The following GALNT13 variants were observed in gnomAD, a reference collection of about 807,000 sequenced individuals.
GALNT13 encodes the protein UDP-GalNAc:polypeptide N-acetylgalactosaminyltransferase 13.
GALNT13 carries 28 observed loss-of-function variants against 64.2 expected under a neutral mutation model. That is an observed-to-expected ratio of 0.44 (90% CI 0.32 to 0.60). GALNT13 has a LOEUF of 0.60. Among genes scored for constraint, GALNT13 ranks in the 20% least tolerant of loss-of-function variants. The pLI, the probability that GALNT13 is intolerant of heterozygous loss-of-function variation, is 0.05. For synonymous variants in GALNT13, 214 were observed against 224.6 expected (o/e 0.95, Z 0.42); for missense variants, 577 against 669.8 (o/e 0.86, Z 1.53).
At chr2:153,937,103 G>A (rs1459448082) in intron 2 of GALNT13, among the ~76,000 whole-genome samples, 1 of 152,130 alleles carries the variant, frequency 6.6e-6, no homozygotes. Flanking sequence ...CTAAGACATA[G>A]CATATGATCA....
intron 4 of GALNT13, among the ~76,000 whole-genome samples, chr2:154,231,672 T>C (rs1688922939): frequency 1.3e-5 from 2 of 151,320 alleles, no homozygotes; most frequent in South Asian, 4.2e-4. Context: ...CAAGGTGCAG[T>C]GGAAGATAAA....
the GALNT13 span, among the ~76,000 whole-genome samples, chr2:153,545,107 GA>G: frequency 5.4e-5 from 8 of 148,004 alleles, no homozygotes; most frequent in African/African-American, 9.9e-5. Flanking sequence ...CAAAGACTCA[GA>G]AAAAAAAAAG....
the GALNT13 span, among the ~76,000 whole-genome samples, chr2:153,071,619 G>A: frequency 6.6e-6 from 1 of 152,298 alleles, no homozygotes; most frequent in Admixed American, 6.5e-5. Context: ...TTTTAACTAA[G>A]AAGTTTTACT....
At chr2:154,272,983 C>T (rs187887736) in intron 8 of GALNT13, among the ~76,000 whole-genome samples, 1 of 151,938 alleles carries the variant, frequency 6.6e-6, no homozygotes. Flanking sequence ...ATGAAATGTG[C>T]AAATAAGTTT....
chr2:154,036,155 T>A (rs1191459307), intron 3 of GALNT13, among the ~76,000 whole-genome samples: 1 of 152,112 alleles, frequency 6.6e-6, no homozygotes, highest in Non-Finnish European at 1.5e-5. Context: ...CAGCGATTAG[T>A]GTCCGAGTTA....
intron 4 of GALNT13, among the ~76,000 whole-genome samples, chr2:154,181,244 C>T (rs1685941827): frequency 6.6e-6 from 1 of 152,102 alleles, no homozygotes; most frequent in Non-Finnish European, 1.5e-5. Context: ...TTATCAGTAA[C>T]ACTTCGGGGA....
chr2:153,840,204 G>C, the GALNT13 span, among the ~76,000 whole-genome samples: 1 of 152,084 alleles, frequency 6.6e-6, no homozygotes, highest in Admixed American at 6.6e-5. Flanking sequence ...TTTGGCAATA[G>C]CATGTAATTG....
chr2:154,345,776 A>G (rs1696035965), intron 9 of GALNT13, among the ~76,000 whole-genome samples: 1 of 152,070 alleles, frequency 6.6e-6, no homozygotes, highest in South Asian at 2.1e-4. Context: ...TCAGGTACAA[A>G]TGCTCATTTC....
the GALNT13 span, among the ~76,000 whole-genome samples, chr2:153,076,033 C>T: frequency 2.6e-5 from 4 of 152,000 alleles, no homozygotes; most frequent in African/African-American, 9.7e-5. Flanking sequence ...ATGGGCATTT[C>T]TACTTTTTTG....
In GALNT13 at chr2:154,040,701, A is replaced by AT. The variant is rs542901204; in HGVS notation, c.142+96070dup. On this transcript the variant is annotated intron_variant, in intron 3 of 12. Coordinates refer to ENST00000392825, the MANE Select transcript of GALNT13 (RefSeq NM_052917.4). ...ATGATATTGCTTATTTGGGAAGCAGATTTTTTTTGCCTTTTCTATATCAGA... is the reference window on the plus strand; with the variant it reads ...ATGATATTGCTTATTTGGGAAGCAGATTTTTTTTTGCCTTTTCTATATCAGA... Among the ~76,000 whole-genome samples the AT allele has an allele frequency of 2.9e-5, 4 of 139,934 alleles. No homozygotes were observed. In the East Asian group the frequency reaches 6.0e-4, roughly 21 times the overall value. 91.8% of individuals were successfully genotyped at this position (139,934 alleles called of 152,430 possible).
At chr2:153,956,894 T>C (rs1363602180) in intron 3 of GALNT13, among the ~76,000 whole-genome samples, 1 of 152,168 alleles carries the variant, frequency 6.6e-6, no homozygotes, top group Non-Finnish European at 1.5e-5. Flanking sequence ...TCTTTCACTT[T>C]TAACAGTTTT....
Position 154,407,239 on chromosome 2 carries a change from T to C in GALNT13, c.1297-1745T>C, listed in dbSNP as rs75270891. On this transcript the variant is annotated intron_variant, in intron 10 of 12. Coordinates refer to ENST00000392825, the MANE Select transcript of GALNT13 (RefSeq NM_052917.4). ...TGCATACCTTACATCTAAAAATGAA[T>C]TCGTCATTTTGTGAGATATGTATTT... Among the ~76,000 whole-genome samples the C allele has an allele frequency of 9.9e-3, 1,503 of 152,266 alleles. 10 individuals are homozygous for C. The highest frequency in any genetic ancestry group is 0.013 in the Non-Finnish European group (897 of 68,018).
intron 3 of GALNT13, among the ~76,000 whole-genome samples, chr2:154,045,567 G>A (rs1699235268): frequency 6.6e-6 from 1 of 152,138 alleles, no homozygotes; most frequent in South Asian, 2.1e-4. Context: ...AACCTGCTGA[G>A]GAGGCTGACA....
At chr2:153,362,776 C>T in the GALNT13 span, among the ~76,000 whole-genome samples, 7 of 152,098 alleles carry the variant, frequency 4.6e-5, no homozygotes, top group African/African-American at 1.7e-4. Flanking sequence ...GACTCCCACA[C>T]AATAATAGTG....
rs151287955 is a variant in GALNT13, at chr2:154,360,284, C to A, written c.1157-35707C>A. Among the ~76,000 whole-genome samples the A allele has an allele frequency of 5.2e-3, 792 of 152,198 alleles. 6 individuals carry two copies. The highest frequency in any genetic ancestry group is 0.017 in the African/African-American group (722 of 41,550). ...TTTATATCCTTGTTTACTGCTGTTGCTTACAATGTAAAGAAAACAATAATC... is the reference window on the plus strand; with the variant it reads ...TTTATATCCTTGTTTACTGCTGTTGATTACAATGTAAAGAAAACAATAATC... On this transcript the variant is annotated intron_variant, in intron 9 of 12. Coordinates refer to ENST00000392825, the MANE Select transcript of GALNT13 (RefSeq NM_052917.4).
chr2:154,235,395 C>T (rs1689140954), intron 4 of GALNT13, among the ~76,000 whole-genome samples: 1 of 152,244 alleles, frequency 6.6e-6, no homozygotes, highest in East Asian at 1.9e-4. Context: ...CTTCATTTTA[C>T]TTCAGGCCCC....
the GALNT13 span, among the ~76,000 whole-genome samples, chr2:153,583,787 T>C: frequency 6.6e-6 from 1 of 152,240 alleles, no homozygotes; most frequent in Admixed American, 6.5e-5. Flanking sequence ...ACCAGCAGTG[T>C]CAATCCTAGC....
chr2:154,326,920 G>A (rs185163738), intron 9 of GALNT13, among the ~76,000 whole-genome samples: 4 of 152,156 alleles, frequency 2.6e-5, no homozygotes, highest in Admixed American at 6.6e-5. Flanking sequence ...ATTTTGGTTC[G>A]TCCATCAGGA....
the GALNT13 span, among the ~76,000 whole-genome samples, chr2:153,378,304 A>C: frequency 9.4e-6 from 1 of 106,480 alleles, no homozygotes; most frequent in Non-Finnish European, 2.0e-5. Flanking sequence ...AGATAGATAG[A>C]TAGATAATTT....
Sources: allele counts gnomAD v4.1 joint callset (sites outside exome capture counted in the v4.1 genomes callset), GRCh38; gene constraint gnomAD v4.1.1; transcripts MANE v1.5; gene names NCBI Gene and HGNC (gene_info 2026-07-23, HGNC 2026-07-21).